PCLO: variants seen among roughly 807,000 people sequenced by gnomAD.
The protein encoded by PCLO is piccolo presynaptic cytomatrix protein, also known as protein piccolo.
A neutral mutation model predicts 427.5 loss-of-function variants in PCLO; 82 were observed. The observed-to-expected ratio is 0.19, with a 90% CI of 0.16 to 0.23. The LOEUF is 0.23. PCLO is among the 10% of genes least tolerant of loss of function. The probability of loss-of-function intolerance (pLI) is 1.00; values close to 1 mark genes in which losing one functional copy is unlikely to be tolerated. For synonymous variants in PCLO, 2,357 were observed against 2,155.4 expected (o/e 1.09, Z -2.59); for missense variants, 6,239 against 6,115.9 (o/e 1.02, Z -0.67).
Position 82,838,284 on chromosome 7 carries a change from A to G in PCLO, c.14156T>C (p.Leu4719Pro), listed in dbSNP as rs1449538478. 1 of 1,575,510 alleles carries G rather than the reference A, an allele frequency of 6.3e-7. No homozygotes were observed. The highest frequency in any genetic ancestry group is 8.7e-7 in the Non-Finnish European group (1 of 1,150,812). ...ATAACCATTGTTGTCTCGAGGAACA[A>G]GATTTCTTGCTTGGAGAATATGTAT... is the stretch of plus-strand genomic sequence containing the variant. ...LIIHILQARN[L>P]VPRDNNGYSD... Residue 4719 changes from leucine (L) to proline (P), a missense_variant, in exon 15 of 25, where the codon CTT (leucine) becomes CCT (proline). Physicochemically the swap from Leu to Pro is moderately conservative, Grantham distance 98. Transcript: ENST00000333891.
intron 8 of PCLO, among the ~76,000 whole-genome samples, chr7:82,905,933 A>C (rs1794178373): frequency 6.6e-6 from 1 of 151,928 alleles, no homozygotes; most frequent in Non-Finnish European, 1.5e-5. Flanking sequence ...AAATTAAAAA[A>C]TAAGAGATTA....
intron 3 of PCLO, among the ~76,000 whole-genome samples, chr7:83,120,567 G>C (rs1360534118): frequency 6.6e-6 from 1 of 151,746 alleles, no homozygotes; most frequent in East Asian, 1.9e-4. Context: ...AAAATTAAAA[G>C]ATACACAAAA....
chr7:82,872,303 G>A (rs962622820), intron 10 of PCLO, among the ~76,000 whole-genome samples: 2 of 151,890 alleles, frequency 1.3e-5, no homozygotes, highest in East Asian at 1.9e-4. Context: ...GCAAAAAGAC[G>A]AGTCAAATCT....
intron 10 of PCLO, among the ~76,000 whole-genome samples, chr7:82,869,900 T>C (rs944232998): frequency 1.3e-5 from 2 of 152,024 alleles, no homozygotes; most frequent in Non-Finnish European, 2.9e-5. Flanking sequence ...CATTCTTATG[T>C]GTCCTCTTCA....
intron 3 of PCLO, among the ~76,000 whole-genome samples, chr7:83,019,855 T>G (rs1403476035): frequency 6.6e-6 from 1 of 151,980 alleles, no homozygotes; most frequent in Non-Finnish European, 1.5e-5. Flanking sequence ...GCAAAGGAAA[T>G]TTAAATACCA....
intron 22 of PCLO, among the ~76,000 whole-genome samples, chr7:82,794,766 G>A (rs1366041750): frequency 1.3e-5 from 2 of 151,818 alleles, no homozygotes; most frequent in Non-Finnish European, 2.9e-5. Context: ...GAGCCACTGC[G>A]CCTGGCTCTC....
At chr7:82,869,071 T>C (rs943864267) in intron 10 of PCLO, among the ~76,000 whole-genome samples, 3 of 152,072 alleles carry the variant, frequency 2.0e-5, no homozygotes, top group Non-Finnish European at 4.4e-5. Context: ...TGAAAATTAA[T>C]TTGGAGAACT....
intron 6 of PCLO, among the ~76,000 whole-genome samples, chr7:82,931,318 T>C (rs1445873778): frequency 6.6e-6 from 1 of 152,142 alleles, no homozygotes; most frequent in Non-Finnish European, 1.5e-5. Context: ...AATCATGCTA[T>C]TTAGTAGAGC....
chr7:82,909,894 C>CT (rs1177572111), intron 7 of PCLO, among the ~76,000 whole-genome samples: 1 of 151,942 alleles, frequency 6.6e-6, no homozygotes, highest in South Asian at 2.1e-4. Context: ...TCACAGATTA[C>CT]TTTTTTGAAA....
At chr7:83,115,643 A>T (rs768419100) in intron 3 of PCLO, among the ~76,000 whole-genome samples, 3 of 152,082 alleles carry the variant, frequency 2.0e-5, no homozygotes, top group Non-Finnish European at 4.4e-5. Flanking sequence ...AAAAAATACA[A>T]CAGAGAAGCA....
chr7:82,774,573 T>G (rs1318906606), intron 22 of PCLO, among the ~76,000 whole-genome samples: 1 of 152,162 alleles, frequency 6.6e-6, no homozygotes, highest in African/African-American at 2.4e-5. Flanking sequence ...ACTTTAATAA[T>G]TTTTTTAAAG....
rs932229435 is a variant in PCLO at position 83,137,276 on chromosome 7, G to C, written c.1894-1620C>G. ...GTACCAGTATCACAAGGCTTATTTT[G>C]CACTCTCACGGAAAGTAAACTTATG... On this transcript the variant is annotated intron_variant, in intron 2 of 24. Coordinates refer to ENST00000333891, the MANE Select transcript of PCLO (RefSeq NM_033026.6). Among the ~76,000 whole-genome samples the C allele has an allele frequency of 2.0e-5, 3 of 152,120 alleles. No homozygotes were observed. The South Asian group carries it at 6.2e-4, about 32-fold the overall frequency.
intron 3 of PCLO, among the ~76,000 whole-genome samples, chr7:83,070,759 C>A (rs979486013): frequency 6.6e-6 from 1 of 152,126 alleles, no homozygotes; most frequent in Non-Finnish European, 1.5e-5. Context: ...ACAGTGACAA[C>A]AGAAACTGAT....
At position 83,056,990 on chromosome 7, in the gene PCLO, A is replaced by G. The variant is rs539146250; in HGVS notation, c.3300+77260T>C. Among the ~76,000 whole-genome samples the G allele has an allele frequency of 2.0e-5, 3 of 152,194 alleles. No individual in the cohort carries two copies. In the South Asian group the frequency reaches 6.2e-4, roughly 32 times the overall value. On this transcript the variant is annotated intron_variant, in intron 3 of 24. Transcript: ENST00000333891. ...TCTAAACTGTATATTCCATCAATTAAATATAGTACAGAGATGTTATGTGCA... is the reference window on the plus strand; with the variant it reads ...TCTAAACTGTATATTCCATCAATTAGATATAGTACAGAGATGTTATGTGCA...
intron 9 of PCLO, among the ~76,000 whole-genome samples, chr7:82,893,436 G>A (rs10234643): frequency 5.3e-5 from 8 of 151,980 alleles, no homozygotes; most frequent in Non-Finnish European, 1.0e-4. Context: ...GGTCAGGGAA[G>A]GGGGGAGGGA....
chr7:82,935,770 C>T (rs1257150693), intron 6 of PCLO, among the ~76,000 whole-genome samples: 2 of 151,518 alleles, frequency 1.3e-5, no homozygotes, highest in African/African-American at 4.8e-5. Flanking sequence ...AGATTCTATG[C>T]CACGACTGGA....
Position 82,916,078 on chromosome 7 carries a change from A to T in PCLO, c.11908T>A (p.Leu3970Met), listed in dbSNP as rs2116270053. The part of the protein sequence containing the change: ...QQKPRQTTLY[L>M]EPKITSNYEV... Reference sequence around the variant, plus strand: ...TAGTTTGAGGTTATCTTGGGCTCCAAATATAATGTAGTTTGCCGTGGCTTC... The same window carrying T: ...TAGTTTGAGGTTATCTTGGGCTCCATATATAATGTAGTTTGCCGTGGCTTC... The change falls in exon 7 of 25, where the codon TTG becomes ATG. Residue 3970 changes from leucine to methionine, a missense_variant. Leu to Met is a conservative substitution (Grantham distance 15). Transcript: ENST00000333891. The T allele has an allele frequency of 6.2e-7, 1 of 1,613,458 alleles. No individual in the cohort carries two copies. The highest frequency in any genetic ancestry group is 8.5e-7 in the Non-Finnish European group (1 of 1,179,742).
rs553791433 is a variant in PCLO, at chr7:83,155,954, C to T, written c.687G>A (p.Pro229=). Residue 229 remains proline, a synonymous_variant, in exon 2 of 25, where the codon CCG becomes CCA. Transcript: ENST00000333891. ...ATTTGGGAGTGCCATCCTGCTGAAG[C>T]GGATCCCTACCAGGTCCTTGCTGCT... ...IPKQQGPGRD[P]LQQDGTPKSI... is the part of the protein sequence containing the mutation. 6 of 1,613,632 alleles carry T rather than the reference C, an allele frequency of 3.7e-6. No individual in the cohort carries two copies. The highest frequency in any genetic ancestry group is 1.1e-5 in the South Asian group (1 of 91,034).
chr7:83,107,512 AAATT>A (rs909300542), intron 3 of PCLO, among the ~76,000 whole-genome samples: 7 of 152,088 alleles, frequency 4.6e-5, no homozygotes, highest in African/African-American at 1.7e-4. Flanking sequence ...ATCCCCTGTA[AAATT>A]AATTTTGAGT....
Sources: allele counts gnomAD v4.1 joint callset (sites outside exome capture counted in the v4.1 genomes callset), GRCh38; gene constraint gnomAD v4.1.1; transcripts MANE v1.5; gene names NCBI Gene and HGNC (gene_info 2026-07-23, HGNC 2026-07-21).